OPN4: variants seen among roughly 807,000 people sequenced by gnomAD.
OPN4 encodes the protein melanopsin.
In OPN4, 43 loss-of-function variants were observed where a neutral mutation model predicts 49.5. That is an observed-to-expected ratio of 0.87 (90% CI 0.68 to 1.12). The LOEUF (loss-of-function observed/expected upper bound fraction) is 1.12, where lower values mean the gene tolerates loss of function less well. OPN4 is among the 50% of genes most tolerant of loss of function. OPN4 has a pLI of 0.00. For synonymous variants in OPN4, 263 were observed against 258.0 expected, an observed-to-expected ratio of 1.02 and a Z score of -0.19; for missense variants, 657 against 643.9, an observed-to-expected ratio of 1.02 and a Z score of -0.22.
At chr10:86,664,635 A>C (rs1844101484) in intron 9 of OPN4, among the ~76,000 whole-genome samples, 1 of 152,130 alleles carries the variant, frequency 6.6e-6, no homozygotes, top group Non-Finnish European at 1.5e-5. Context: ...CCAAGGCCAA[A>C]GGCACATTCC....
At position 86,658,134 on chromosome 10, in the gene OPN4, C is replaced by T; in HGVS notation, c.393C>T (p.Ser131=). ...AGGCCCCTGTCTTCTTCACCAGTAG[C>T]CTCTATAAGCAGTGGCTCTTTGGGG... is the stretch of plus-strand genomic sequence containing the variant. ...FTQAPVFFTS[S]LYKQWLFGET... is the part of the protein sequence containing the mutation. Residue 131 remains serine (S), a synonymous_variant, in exon 3 of 10, where the codon AGC becomes AGT. Coordinates refer to ENST00000241891, the MANE Select transcript of OPN4 (RefSeq NM_033282.4). 6.2e-7 allele frequency: 1 copy of T among 1,614,114 alleles called. No individual in the cohort carries two copies. The highest frequency in any genetic ancestry group is 8.5e-7 in the Non-Finnish European group (1 of 1,180,026).
intron 9 of OPN4, among the ~76,000 whole-genome samples, chr10:86,665,502 C>T (rs1209711167): frequency 6.6e-6 from 1 of 151,934 alleles, no homozygotes; most frequent in Non-Finnish European, 1.5e-5. Flanking sequence ...GGGGAGCATC[C>T]CAGGAGATGC....
rs1350820014 is a variant in OPN4, at chr10:86,666,008, C to T, written c.*257C>T. 3.6e-5 allele frequency: 19 copies of T among 530,954 alleles called. No individual in the cohort carries two copies. The South Asian group carries it at 4.0e-4, about 11-fold the overall frequency. The allele number at this position is 530,954 out of a possible 1,614,324, so 32.9% of individuals were successfully genotyped here. A position where few individuals can be genotyped will look rare whatever the true frequency, so the allele number is the denominator to read the frequency against. ...TCAGCCTGAGGGGTATGTGCCCAGG[C>T]CCTCCCACTTCCCGAGTTGTCTGCC... is the stretch of plus-strand genomic sequence containing the variant. On this transcript the variant is annotated 3_prime_UTR_variant, in exon 10 of 10. Coordinates refer to ENST00000241891, the MANE Select transcript of OPN4 (RefSeq NM_033282.4).
chr10:86,654,572 A>C lies in OPN4; in HGVS notation c.-212A>C, dbSNP rs1275439050. On this transcript the variant is annotated 5_prime_UTR_variant, in exon 1 of 10. Transcript: ENST00000241891. ...GTGAGTCACCATAACTGCGACACTC[A>C]CTCATTTGCGCTTCACCAGACACAG... is the stretch of plus-strand genomic sequence containing the variant. The C allele has an allele frequency of 1.8e-6, 1 of 561,788 alleles. No homozygotes were observed. The highest frequency in any genetic ancestry group is 2.9e-5 in the East Asian group (1 of 34,520). The allele number at this position is 561,788 out of a possible 1,614,324, so 34.8% of individuals were successfully genotyped here.
chr10:86,661,493 G>A (rs1448684748), intron 7 of OPN4, 105 bp downstream of exon 7: 4 of 812,022 alleles, frequency 4.9e-6, no homozygotes, highest in Non-Finnish European at 7.8e-6. Flanking sequence ...TGTAGAATGG[G>A]GGCCACCAGC....
chr10:86,665,168 C>A (rs1844119468), intron 9 of OPN4, among the ~76,000 whole-genome samples: 3 of 151,976 alleles, frequency 2.0e-5, no homozygotes, highest in South Asian at 2.1e-4. Context: ...TGGGAGCAGC[C>A]AGAGGGACCC....
intron 2 of OPN4, chr10:86,657,295 C>A: frequency 1.3e-6 from 1 of 768,424 alleles, no homozygotes; most frequent in Non-Finnish European, 2.4e-6. Context: ...CGGAGCAAGT[C>A]ACTTCATGAG....
chr10:86,664,016 A>ATGTGTG (rs34715539), intron 9 of OPN4: 173 of 499,378 alleles, frequency 3.5e-4, no homozygotes, highest in African/African-American at 3.1e-3. Context: ...TGGTCTGCAC[A>ATGTGTG]TGTGTGTGTG....
At chr10:86,656,134 C>G in intron 1 of OPN4, 21 bp from the exon 2 acceptor site, 1 of 1,613,892 alleles carries the variant, frequency 6.2e-7, no homozygotes. Flanking sequence ...ATGATTCCCT[C>G]GTTTCTCTGT....
rs1844168489 is a variant in OPN4, at chr10:86,666,005, A to G, written c.*254A>G. ...GGCTCAGCCTGAGGGGTATGTGCCC[A>G]GGCCCTCCCACTTCCCGAGTTGTCT... On this transcript the variant is annotated 3_prime_UTR_variant, in exon 10 of 10. Coordinates refer to ENST00000241891, the MANE Select transcript of OPN4 (RefSeq NM_033282.4). 1.9e-6 allele frequency: 1 copy of G among 533,368 alleles called. No homozygotes were observed. Among genetic ancestry groups the G allele is most frequent in the Non-Finnish European group, 3.3e-6 (1 of 302,044 alleles). The allele number at this position is 533,368 out of a possible 1,614,324, so 33.0% of individuals were successfully genotyped here. A position where few individuals can be genotyped will look rare whatever the true frequency, so the allele number is the denominator to read the frequency against.
chr10:86,664,681 C>T (rs1844102351), intron 9 of OPN4, among the ~76,000 whole-genome samples: 1 of 152,324 alleles, frequency 6.6e-6, no homozygotes, highest in Non-Finnish European at 1.5e-5. Context: ...TGCCCCTGTG[C>T]ATCCAAGAAC....
At chr10:86,658,414 G>T in intron 3 of OPN4, 70 bp from the exon 4 acceptor site, 1 of 1,523,988 alleles carries the variant, frequency 6.6e-7, no homozygotes, top group Non-Finnish European at 9.0e-7. Flanking sequence ...GTGAGGTGAA[G>T]GCCAGAGCAG....
At position 86,658,042 on chromosome 10, in the gene OPN4, C is replaced by A. The variant is rs754559194; in HGVS notation, c.301C>A (p.Leu101Ile). ...TTCTGATCCTCCCAGGAGCAGAAGC[C>A]TCCGGACACCTGCCAACATGTTCAT... ...VIYTFCRSRSLRTPANMFIIN... is the reference protein window; with the variant it reads ...VIYTFCRSRSIRTPANMFIIN... The change falls in exon 3 of 10, where the codon CTC (leucine) becomes ATC (isoleucine). Residue 101 changes from leucine to isoleucine, a missense_variant. By Grantham distance (5) the Leu-to-Ile change is conservative (BLOSUM62 2). Coordinates refer to ENST00000241891, the MANE Select transcript of OPN4 (RefSeq NM_033282.4). The A allele has an allele frequency of 4.3e-6, 7 of 1,612,954 alleles. No individual in the cohort carries two copies. Among genetic ancestry groups the A allele is most frequent in the Non-Finnish European group, 5.9e-6 (7 of 1,179,974 alleles).
In OPN4 at chr10:86,661,350, C is replaced by G. The variant is rs184720512; in HGVS notation, c.1035C>G (p.His345Gln). 4.3e-6 allele frequency: 7 copies of G among 1,614,116 alleles called. No individual in the cohort carries two copies. The highest frequency in any genetic ancestry group is 5.9e-6 in the Non-Finnish European group (7 of 1,179,970). Reference protein sequence around the residue: ...PAVIAKASAIHNPIIYAITHP... With the variant: ...PAVIAKASAIQNPIIYAITHP... ...TCATCGCCAAGGCCTCTGCAATCCA[C>G]AACCCCATCATTTACGCCATCACCC... The change falls in exon 7 of 10, where the codon CAC (histidine) becomes CAG (glutamine). Residue 345 changes from histidine to glutamine, a missense_variant. His to Gln is a conservative substitution (Grantham distance 24). Transcript: ENST00000241891.
chr10:86,662,687 G>C (rs552328715), intron 8 of OPN4, among the ~76,000 whole-genome samples: 1 of 152,248 alleles, frequency 6.6e-6, no homozygotes, highest in Non-Finnish European at 1.5e-5. Flanking sequence ...ATTGAACACA[G>C]GTCTTCCAAC....
Position 86,662,387 on chromosome 10 carries a change from C to A in OPN4, c.1209C>A (p.Ile403=), listed in dbSNP as rs1263816763. The part of the protein sequence containing the change: ...LTSHTSNLSW[I]SIRRRQESLG... Reference sequence around the variant, plus strand: ...GCCACACCTCCAACCTCAGCTGGATCTCCATACGGAGGCGCCAGGAGTCCC... The same window carrying A: ...GCCACACCTCCAACCTCAGCTGGATATCCATACGGAGGCGCCAGGAGTCCC... The change falls in exon 8 of 10, where the codon ATC becomes ATA. Residue 403 remains isoleucine, a synonymous_variant. Transcript: ENST00000241891. 6.4e-7 allele frequency: 1 copy of A among 1,572,896 alleles called. No homozygotes were observed. Among genetic ancestry groups the A allele is most frequent in the Non-Finnish European group, 8.6e-7 (1 of 1,160,212 alleles).
At chr10:86,660,104 G>A (rs1171056224) in intron 6 of OPN4, 45 bp downstream of exon 6, 5 of 1,603,208 alleles carry the variant, frequency 3.1e-6, no homozygotes, top group Non-Finnish European at 4.3e-6. Context: ...AAGGTGTGGG[G>A]GCAGGAGCAA....
intron 9 of OPN4, chr10:86,664,064 G>A (rs1844085584): frequency 4.6e-6 from 2 of 439,250 alleles, no homozygotes; most frequent in African/African-American, 2.0e-5. Context: ...GCATGGTGCT[G>A]TTGGCTGTGC....
In OPN4 at chr10:86,666,021, C is replaced by G. The variant is rs1356249896; in HGVS notation, c.*270C>G. 7.9e-6 allele frequency: 4 copies of G among 509,070 alleles called. No individual in the cohort carries two copies. Among genetic ancestry groups the G allele is most frequent in the Admixed American group, 3.8e-5 (1 of 26,290 alleles). The allele number at this position is 509,070 out of a possible 1,614,324, so 31.5% of individuals were successfully genotyped here. A position where few individuals can be genotyped will look rare whatever the true frequency, so the allele number is the denominator to read the frequency against. ...TATGTGCCCAGGCCCTCCCACTTCC[C>G]GAGTTGTCTGCCTCTCCTCAAATGC... On this transcript the variant is annotated 3_prime_UTR_variant, in exon 10 of 10. Coordinates refer to ENST00000241891, the MANE Select transcript of OPN4 (RefSeq NM_033282.4).
Sources: gnomAD v4.1 joint callset for allele counts (sites outside exome capture counted in the v4.1 genomes callset) on GRCh38, gnomAD v4.1.1 for gene constraint, MANE v1.5 for transcripts, NCBI Gene and HGNC (gene_info 2026-07-23, HGNC 2026-07-21) for gene names.